Variants in VMP1 observed in about 807,000 individuals in gnomAD.
VMP1 encodes the protein ectopic P-granules autophagy protein 3 homolog.
Under a neutral mutation model 56.0 loss-of-function variants are expected in VMP1, and 11 were observed. That is an observed-to-expected ratio of 0.20 (90% confidence interval 0.12 to 0.32). The LOEUF is 0.32. VMP1 is among the 10% of genes least tolerant of loss of function. The pLI, the probability that VMP1 is intolerant of heterozygous loss-of-function variation, is 1.00. For missense variants in VMP1, 296 were observed against 490.3 expected (o/e 0.60, Z 3.74); for synonymous variants, 149 against 165.0 (o/e 0.90, Z 0.74).
Position 59,838,566 on chromosome 17 carries a change from A to C in VMP1, c.1077+169A>C, listed in dbSNP as rs2039058835. The C allele has an allele frequency of 9.4e-6, 6 of 639,132 alleles. No individual in the cohort carries two copies. In the East Asian group the frequency reaches 1.7e-4, roughly 18 times the overall value. 39.6% of individuals were successfully genotyped at this position (639,132 alleles called of 1,614,324 possible). ...CTACTGGGAAATTTGTCTTTGTCTTAGACTAGAAAGTGTAACTTCTGTACA... is the reference window on the plus strand; with the variant it reads ...CTACTGGGAAATTTGTCTTTGTCTTCGACTAGAAAGTGTAACTTCTGTACA... On this transcript the variant is annotated intron_variant, in intron 11 of 11. Transcript: ENST00000262291.
chr17:59,778,323 G>T (rs1427544663), intron 7 of VMP1, among the ~76,000 whole-genome samples: 1 of 151,974 alleles, frequency 6.6e-6, no homozygotes, highest in Non-Finnish European at 1.5e-5. Flanking sequence ...GGCGGATCAT[G>T]AGGTCAGGAG....
At chr17:59,802,755 T>G (rs1212825806) in intron 7 of VMP1, among the ~76,000 whole-genome samples, 2 of 152,204 alleles carry the variant, frequency 1.3e-5, no homozygotes, top group Admixed American at 6.5e-5. Context: ...GCTTTGTTTG[T>G]TTGGTTTTGA....
chr17:59,771,475 AC>A (rs2036422014), intron 6 of VMP1, among the ~76,000 whole-genome samples: 1 of 151,980 alleles, frequency 6.6e-6, no homozygotes, highest in Admixed American at 6.6e-5. Flanking sequence ...TAATTTAGTT[AC>A]CCCGAGATAT....
At chr17:59,789,259 A>G (rs2037129431) in intron 7 of VMP1, among the ~76,000 whole-genome samples, 1 of 139,776 alleles carries the variant, frequency 7.2e-6, no homozygotes, top group African/African-American at 2.7e-5. Flanking sequence ...AAGATAAAAG[A>G]AAAAAAGGCC....
intron 3 of VMP1, among the ~76,000 whole-genome samples, chr17:59,735,941 A>T (rs2034998821): frequency 6.6e-6 from 1 of 152,184 alleles, no homozygotes; most frequent in Non-Finnish European, 1.5e-5. Flanking sequence ...CAAGTACCAT[A>T]AAGAACAAGT....
At chr17:59,744,173 A>G (rs1436616652) in intron 5 of VMP1, among the ~76,000 whole-genome samples, 6 of 151,908 alleles carry the variant, frequency 3.9e-5, no homozygotes, top group South Asian at 2.1e-4. Flanking sequence ...TAGAAAGCCA[A>G]TATTTGACCA....
chr17:59,760,661 G>T (rs985523680), intron 5 of VMP1, among the ~76,000 whole-genome samples: 1 of 151,784 alleles, frequency 6.6e-6, no homozygotes, highest in Admixed American at 6.6e-5. Flanking sequence ...TTGCTCTGAC[G>T]TCAGGCTGGA....
At position 59,737,527 on chromosome 17, in the gene VMP1, A is replaced by G. The variant is rs374605118; in HGVS notation, c.287A>G (p.Glu96Gly). 2.2e-5 allele frequency: 36 copies of G among 1,610,138 alleles called. No individual in the cohort carries two copies. Among genetic ancestry groups the G allele is most frequent in the Non-Finnish European group, 2.7e-5 (32 of 1,178,292 alleles). ...GTGCTTATAGCTACGTATTATGTTG[A>G]AGGAGTGCATCAACAGGTGAGAGGT... ...LAVLIATYYV[E>G]GVHQQYVQRI... is the part of the protein sequence containing the mutation. The change falls in exon 4 of 12, where the codon GAA becomes GGA. Residue 96 changes from glutamate to glycine, a missense_variant. Glu to Gly is a moderately conservative substitution (Grantham distance 98). Transcript: ENST00000262291.
rs990461012 is a variant in VMP1 at position 59,782,332 on chromosome 17, A to G, written c.714+8447A>G. Among the ~76,000 whole-genome samples the G allele has an allele frequency of 3.9e-5, 6 of 152,290 alleles. No individual in the cohort carries two copies. In the East Asian group the frequency reaches 9.6e-4, roughly 24 times the overall value. On this transcript the variant is annotated intron_variant, in intron 7 of 11. Coordinates refer to ENST00000262291, the MANE Select transcript of VMP1 (RefSeq NM_030938.5). ...CTTTCTTAGGTAATTAACTAATTGT[A>G]TATTGTTCCAACACTATTTTCCAAG...
At chr17:59,721,573 G>A (rs1303289551) in intron 1 of VMP1, among the ~76,000 whole-genome samples, 2 of 151,766 alleles carry the variant, frequency 1.3e-5, no homozygotes, top group Non-Finnish European at 2.9e-5. Context: ...AAATACATCA[G>A]GTTTTTCTGG....
intron 7 of VMP1, among the ~76,000 whole-genome samples, chr17:59,799,529 T>C (rs1451362078): frequency 6.6e-6 from 1 of 152,220 alleles, no homozygotes; most frequent in Non-Finnish European, 1.5e-5. Flanking sequence ...TTAACTATTT[T>C]CTTTGTTTTA....
chr17:59,768,832 A>C (rs1482632919), intron 6 of VMP1, among the ~76,000 whole-genome samples: 1 of 151,852 alleles, frequency 6.6e-6, no homozygotes, highest in Non-Finnish European at 1.5e-5. Flanking sequence ...AATACAAAAA[A>C]AAAATTAGCT....
chr17:59,727,429 T>C (rs560703525), intron 1 of VMP1, among the ~76,000 whole-genome samples: 16 of 152,270 alleles, frequency 1.1e-4, no homozygotes, highest in African/African-American at 3.4e-4. Flanking sequence ...CCATCATGCC[T>C]GGCCCTGTTA....
chr17:59,752,205 A>G (rs2035680377), intron 5 of VMP1, among the ~76,000 whole-genome samples: 1 of 152,232 alleles, frequency 6.6e-6, no homozygotes, highest in Non-Finnish European at 1.5e-5. Context: ...CACTGTAACG[A>G]GAAAGCAATT....
At chr17:59,801,692 C>G (rs1027274977) in intron 7 of VMP1, among the ~76,000 whole-genome samples, 1 of 152,068 alleles carries the variant, frequency 6.6e-6, no homozygotes, top group Non-Finnish European at 1.5e-5. Context: ...GTTAGGAGTT[C>G]AAGACCAGCC....
chr17:59,724,838 C>T (rs1479043722), intron 1 of VMP1, among the ~76,000 whole-genome samples: 11 of 151,708 alleles, frequency 7.3e-5, no homozygotes, highest in Non-Finnish European at 1.0e-4. Flanking sequence ...TGGTGGCGGG[C>T]GCCTGTAGTC....
At chr17:59,758,168 T>C (rs1455613081) in intron 5 of VMP1, among the ~76,000 whole-genome samples, 1 of 152,122 alleles carries the variant, frequency 6.6e-6, no homozygotes, top group Non-Finnish European at 1.5e-5. Context: ...ATGTACTCCC[T>C]GTATTGATCT....
intron 6 of VMP1, among the ~76,000 whole-genome samples, chr17:59,773,533 G>C (rs1360669225): frequency 6.6e-6 from 1 of 152,086 alleles, no homozygotes; most frequent in African/African-American, 2.4e-5. Context: ...ACTGTGCCTG[G>C]CTTGTCTTAA....
At chr17:59,766,510 A>G (rs1171133113) in intron 6 of VMP1, among the ~76,000 whole-genome samples, 2 of 152,272 alleles carry the variant, frequency 1.3e-5, no homozygotes, top group South Asian at 2.1e-4. Context: ...CTCAACAACA[A>G]CAAGAAAATA....
Sources: gnomAD v4.1 joint callset for allele counts (sites outside exome capture counted in the v4.1 genomes callset) on GRCh38, gnomAD v4.1.1 for gene constraint, MANE v1.5 for transcripts, NCBI Gene and HGNC (gene_info 2026-07-23, HGNC 2026-07-21) for gene names.